Variants in DTWD2 observed in about 807,000 individuals in gnomAD.
DTWD2 encodes the protein DTW motif tRNA-uridine aminocarboxypropyltransferase 2, also known as tRNA-uridine aminocarboxypropyltransferase 2.
A neutral mutation model predicts 31.8 loss-of-function variants in DTWD2; 39 were observed. The ratio of observed to expected loss-of-function variants is 1.22; its 90% CI spans 0.95 to 1.60. DTWD2 has a LOEUF of 1.60. Ranked by LOEUF, DTWD2 falls within the 40% of genes most tolerant of loss-of-function variation. DTWD2 has a pLI of 0.00. For missense variants in DTWD2, 515 were observed against 381.5 expected (o/e 1.35, Z -2.92); for synonymous variants, 180 against 142.8 (o/e 1.26, Z -1.86).
chr5:118,916,953 T>C (rs1753593203), intron 4 of DTWD2, among the ~76,000 whole-genome samples: 1 of 152,156 alleles, frequency 6.6e-6, no homozygotes, highest in Non-Finnish European at 1.5e-5. Flanking sequence ...TAATTACAAT[T>C]ATACTCATCA....
chr5:118,868,219 A>G (rs1752422073), intron 4 of DTWD2, among the ~76,000 whole-genome samples: 1 of 152,114 alleles, frequency 6.6e-6, no homozygotes. Context: ...CATGCAAAAG[A>G]ATGTTGTTGG....
chr5:118,973,701 T>C lies in DTWD2; in HGVS notation c.218+14593A>G, dbSNP rs961108871. 3.4e-6 allele frequency: 5 copies of C among 1,468,088 alleles called. No individual in the cohort carries two copies. In the African/African-American group the frequency reaches 4.6e-5, roughly 13 times the overall value. The allele number at this position is 1,468,088 out of a possible 1,614,324, so 90.9% of individuals were successfully genotyped here. A position where few individuals can be genotyped will look rare whatever the true frequency, so the allele number is the denominator to read the frequency against. ...GCAGCCGCCTCCGCCACGCGCCTCCTCCGCCGCCGCGGACTCCGGCAGCTT... is the reference window on the plus strand; with the variant it reads ...GCAGCCGCCTCCGCCACGCGCCTCCCCCGCCGCCGCGGACTCCGGCAGCTT... On this transcript the variant is annotated intron_variant, in intron 1 of 5. Transcript: ENST00000510708.
intron 1 of DTWD2, among the ~76,000 whole-genome samples, chr5:118,979,918 G>C (rs919375507): frequency 3.9e-5 from 6 of 152,232 alleles, no homozygotes; most frequent in African/African-American, 1.4e-4. Context: ...TAGGGGATGG[G>C]TTGATCTGTG....
chr5:118,986,952 G>A (rs189789112), intron 1 of DTWD2, among the ~76,000 whole-genome samples: 1 of 151,974 alleles, frequency 6.6e-6, no homozygotes, highest in South Asian at 2.1e-4. Context: ...TTAACTAAAC[G>A]TAACTGAAAA....
At chr5:118,883,164 G>A (rs1333301981) in intron 4 of DTWD2, among the ~76,000 whole-genome samples, 1 of 152,166 alleles carries the variant, frequency 6.6e-6, no homozygotes, top group East Asian at 1.9e-4. Flanking sequence ...CAGATCTCTA[G>A]GGCAGGGACA....
At chr5:118,902,765 T>C (rs1348031028) in intron 4 of DTWD2, among the ~76,000 whole-genome samples, 1 of 152,128 alleles carries the variant, frequency 6.6e-6, no homozygotes, top group Non-Finnish European at 1.5e-5. Context: ...TTGAGATATC[T>C]TCTACCATGT....
At chr5:118,943,270 G>T (rs1471433664) in intron 2 of DTWD2, among the ~76,000 whole-genome samples, 1 of 152,178 alleles carries the variant, frequency 6.6e-6, no homozygotes, top group South Asian at 2.1e-4. Flanking sequence ...AAAAAGGTTA[G>T]GCCAGGTGCG....
rs554254730 is a variant in DTWD2 at position 118,889,273 on chromosome 5, C to A, written c.597+39264G>T. On this transcript the variant is annotated intron_variant, in intron 4 of 5. Coordinates refer to ENST00000510708, the MANE Select transcript of DTWD2 (RefSeq NM_173666.4). ...TCTCATATAAAGATAAGTACTCAAT[C>A]AATAAATAAAACAGCACAGAATCCA... is the stretch of plus-strand genomic sequence containing the variant. 5.9e-5 allele frequency among the ~76,000 whole-genome samples: 9 copies of A among 152,008 alleles called. No individual in the cohort carries two copies. In the South Asian group the frequency reaches 1.9e-3, roughly 32 times the overall value.
intron 4 of DTWD2, among the ~76,000 whole-genome samples, chr5:118,921,982 C>T (rs541236045): frequency 2.6e-5 from 4 of 152,162 alleles, no homozygotes; most frequent in African/African-American, 7.2e-5. Flanking sequence ...GCTTATCAAG[C>T]GAGAAATTAA....
intron 3 of DTWD2, among the ~76,000 whole-genome samples, chr5:118,933,612 T>TA (rs982319500): frequency 6.6e-6 from 1 of 152,050 alleles, no homozygotes; most frequent in Non-Finnish European, 1.5e-5. Context: ...CCACTCATGA[T>TA]AAAAACTCTC....
chr5:118,880,846 GT>G (rs1752725074), intron 4 of DTWD2, among the ~76,000 whole-genome samples: 1 of 152,066 alleles, frequency 6.6e-6, no homozygotes. Context: ...GAAGTATTTT[GT>G]TTGGGGGTTT....
intron 4 of DTWD2, among the ~76,000 whole-genome samples, chr5:118,858,739 A>T (rs180896736): frequency 6.4e-4 from 98 of 152,258 alleles, no homozygotes; most frequent in African/African-American, 2.0e-3. Context: ...ACTATTTAAA[A>T]TCATTACCAC....
intron 1 of DTWD2, among the ~76,000 whole-genome samples, chr5:118,945,775 AAAGAAAGAAAG>A (rs1266969295): frequency 2.8e-4 from 5 of 17,802 alleles, no homozygotes; most frequent in South Asian, 3.4e-3. Flanking sequence ...AAAAAAAAAA[AAAGAAAGAAAG>A]AAAGAAAGAA....
Position 118,876,546 on chromosome 5 carries a change from G to C in DTWD2, c.598-28328C>G, listed in dbSNP as rs577673632. Among the ~76,000 whole-genome samples the C allele has an allele frequency of 3.9e-5, 6 of 152,240 alleles. No homozygotes were observed. In the South Asian group the frequency reaches 8.3e-4, roughly 21 times the overall value. On this transcript the variant is annotated intron_variant, in intron 4 of 5. Transcript: ENST00000510708. ...ATAAATACAATCAGAAACGACAAGA[G>C]GGGTATTACCACTGACCCCACAGAA... is the stretch of plus-strand genomic sequence containing the variant.
At chr5:118,875,326 A>C (rs758339926) in intron 4 of DTWD2, among the ~76,000 whole-genome samples, 30 of 152,198 alleles carry the variant, frequency 2.0e-4, no homozygotes, top group Admixed American at 2.0e-3. Context: ...TAGCATCATG[A>C]TGACAGGAAC....
intron 4 of DTWD2, among the ~76,000 whole-genome samples, chr5:118,915,523 C>T (rs1234072846): frequency 6.6e-6 from 1 of 152,024 alleles, no homozygotes; most frequent in Non-Finnish European, 1.5e-5. Context: ...TACAGGCGCA[C>T]ACCACCACAC....
In DTWD2 at chr5:118,955,932, G is replaced by A. The variant is rs140670966; in HGVS notation, c.219-11283C>T. Among the ~76,000 whole-genome samples, 77 of 151,684 alleles carry A rather than the reference G, an allele frequency of 5.1e-4. No individual in the cohort carries two copies. In the East Asian group the frequency reaches 0.014, roughly 28 times the overall value. On this transcript the variant is annotated intron_variant, in intron 1 of 5. Transcript: ENST00000510708. The stretch of plus-strand genomic sequence containing the variant: ...TTTTTTTTTAATCAAGCTACTTCTA[G>A]AATTTATATAGATATGAGAAATAAA...
chr5:118,985,911 A>C (rs1444428684), intron 1 of DTWD2, among the ~76,000 whole-genome samples: 2 of 152,164 alleles, frequency 1.3e-5, no homozygotes, highest in African/African-American at 4.8e-5. Flanking sequence ...TAGGATTTTT[A>C]ATCTGAGGGC....
intron 4 of DTWD2, among the ~76,000 whole-genome samples, chr5:118,892,219 A>C (rs1752990488): frequency 6.6e-6 from 1 of 152,120 alleles, no homozygotes. Context: ...AGATTTTATC[A>C]AATACAGTTG....
Sources: gnomAD v4.1 joint callset for allele counts (sites outside exome capture counted in the v4.1 genomes callset) on GRCh38, gnomAD v4.1.1 for gene constraint, MANE v1.5 for transcripts, NCBI Gene and HGNC (gene_info 2026-07-23, HGNC 2026-07-21) for gene names.